The following UNC45B variants were observed in gnomAD, a reference collection of about 807,000 sequenced individuals.
UNC45B encodes the protein protein unc-45 homolog B.
UNC45B carries 78 observed loss-of-function variants against 98.7 expected under a neutral mutation model. The ratio of observed to expected loss-of-function variants is 0.79; its 90% confidence interval spans 0.66 to 0.95. UNC45B has a LOEUF of 0.95. UNC45B is among the 40% of genes least tolerant of loss of function. The pLI, the probability that UNC45B is intolerant of heterozygous loss-of-function variation, is 0.00. For synonymous variants in UNC45B, 462 were observed against 480.4 expected, an observed-to-expected ratio of 0.96 and a Z score of 0.50; for missense variants, 1,225 against 1,184.9, an observed-to-expected ratio of 1.03 and a Z score of -0.50.
intron 9 of UNC45B, 141 bp downstream of exon 9, chr17:35,164,307 C>A: frequency 2.1e-6 from 2 of 970,704 alleles, no homozygotes; most frequent in Non-Finnish European, 2.9e-6. Flanking sequence ...AGTGGTTTGG[C>A]TGGGTGGCTC....
chr17:35,173,298 G>A (rs1010188442), intron 13 of UNC45B, among the ~76,000 whole-genome samples: 6 of 151,910 alleles, frequency 3.9e-5, no homozygotes, highest in Non-Finnish European at 5.9e-5. Context: ...GCTAATTTTT[G>A]TATTTTTAGT....
chr17:35,177,862 CTCTTTTCTTTCTTT>C (rs2092246963), intron 17 of UNC45B, among the ~76,000 whole-genome samples: 2 of 148,044 alleles, frequency 1.4e-5, no homozygotes, highest in Admixed American at 6.8e-5. Context: ...CTCTTCTCTT[CTCTTTTCTTTCTTT>C]TCTTTTCTTT....
intron 13 of UNC45B, among the ~76,000 whole-genome samples, chr17:35,173,125 C>T (rs1386903139): frequency 7.9e-6 from 1 of 126,158 alleles, no homozygotes; most frequent in Non-Finnish European, 1.6e-5. Context: ...AATTTTTATA[C>T]TTTTTTTTTT....
At chr17:35,166,985 A>C (rs2092145624) in intron 9 of UNC45B, 1 of 152,286 alleles carries the variant, frequency 6.6e-6, no homozygotes, top group African/African-American at 2.4e-5. Flanking sequence ...GTCACCTCTG[A>C]CATTCCCACG....
chr17:35,148,877 C>G (rs537579964), intron 2 of UNC45B, 96 bp from the exon 3 acceptor site: 1 of 1,491,420 alleles, frequency 6.7e-7, no homozygotes, highest in East Asian at 2.3e-5. Context: ...GCAGCTCCCC[C>G]AGGAAACCCT....
intron 5 of UNC45B, 126 bp from the exon 6 acceptor site, chr17:35,154,448 G>T: frequency 1.2e-6 from 1 of 868,828 alleles, no homozygotes; most frequent in South Asian, 1.9e-5. Context: ...GGATTACCAA[G>T]GTGAGATAAT....
chr17:35,176,176 C>T (rs1206598447), intron 15 of UNC45B, 142 bp downstream of exon 15: 2 of 749,416 alleles, frequency 2.7e-6, no homozygotes, highest in African/African-American at 1.7e-5. Context: ...TAGCCCCAAG[C>T]CAATTTCTGC....
chr17:35,154,491 T>C, intron 5 of UNC45B, 83 bp from the exon 6 acceptor site: 1 of 1,316,080 alleles, frequency 7.6e-7, no homozygotes, highest in Middle Eastern at 2.2e-4. Flanking sequence ...GTCTTTGCAC[T>C]GGCTCTTCTT....
rs920347881 is a variant in UNC45B, at chr17:35,183,571, A to G, written c.2518A>G (p.Met840Val). Residue 840 changes from methionine to valine, a missense_variant, in exon 19 of 20, where the codon ATG becomes GTG. Physicochemically the swap from Met to Val is conservative, Grantham distance 21. Transcript: ENST00000394570. ...TAAHKKLCLK[M>V]TQVTTQWLEI... The stretch of plus-strand genomic sequence containing the variant: ...AGCACACAAGAAACTGTGCCTCAAG[A>G]TGACTCAAGTGGTAAGAGCTGGCCC... 1.4e-5 allele frequency: 22 copies of G among 1,567,392 alleles called. No individual in the cohort carries two copies. Among genetic ancestry groups the G allele is most frequent in the Non-Finnish European group, 1.8e-5 (21 of 1,156,508 alleles).
intron 14 of UNC45B, among the ~76,000 whole-genome samples, chr17:35,174,672 T>C (rs538828441): frequency 4.6e-5 from 7 of 151,936 alleles, no homozygotes; most frequent in African/African-American, 1.7e-4. Flanking sequence ...AATTTTAAAT[T>C]AGCCTGGCAC....
chr17:35,178,917 T>C (rs1462438572), intron 17 of UNC45B, among the ~76,000 whole-genome samples: 2 of 152,226 alleles, frequency 1.3e-5, no homozygotes, highest in Non-Finnish European at 2.9e-5. Context: ...TTGGTACCAG[T>C]ACCATGCTGT....
intron 3 of UNC45B, 141 bp downstream of exon 3, chr17:35,149,150 T>C (rs2091998324): frequency 2.9e-6 from 3 of 1,026,650 alleles, no homozygotes; most frequent in East Asian, 2.5e-5. Flanking sequence ...GAGAAGGGAC[T>C]GGAAACATAT....
intron 14 of UNC45B, among the ~76,000 whole-genome samples, chr17:35,175,013 G>A (rs12940517): frequency 0.013 from 1,643 of 126,294 alleles, 34 homozygotes; most frequent in African/African-American, 0.05. Context: ...AAGAAAGAAA[G>A]GAGGGAAGGA....
At chr17:35,150,276 C>T (rs2092008107) in intron 4 of UNC45B, 53 bp downstream of exon 4, 1 of 1,560,900 alleles carries the variant, frequency 6.4e-7, no homozygotes, top group Non-Finnish European at 8.7e-7. Context: ...TCTCTTCATT[C>T]CTAGTAGGAA....
At chr17:35,158,511 C>G (rs1458662786) in intron 7 of UNC45B, among the ~76,000 whole-genome samples, 2 of 152,202 alleles carry the variant, frequency 1.3e-5, no homozygotes, top group Non-Finnish European at 2.9e-5. Context: ...TAATGAGTGT[C>G]GTGTTTCCCA....
chr17:35,164,936 A>C (rs1474629100), intron 9 of UNC45B, among the ~76,000 whole-genome samples: 1 of 151,188 alleles, frequency 6.6e-6, no homozygotes, highest in Non-Finnish European at 1.5e-5. Context: ...TGGCATGATC[A>C]TGACTCACTG....
intron 8 of UNC45B, among the ~76,000 whole-genome samples, chr17:35,163,743 C>T (rs561768252): frequency 5.9e-5 from 9 of 152,256 alleles, no homozygotes; most frequent in African/African-American, 1.9e-4. Context: ...CCTCTGAGAT[C>T]GACTAGTCCT....
rs372784651 is a variant in UNC45B at position 35,152,873 on chromosome 17, A to T, written c.382-20A>T. ...GTGGACCCCACCTGCCTCCTTCCCC[A>T]CTCCCTCCTCTCTCCTCAGCTCCGA... On this transcript the variant is annotated intron_variant, in intron 4 of 19. Coordinates refer to ENST00000394570, the MANE Select transcript of UNC45B (RefSeq NM_001267052.2). 3.1e-6 allele frequency: 5 copies of T among 1,607,914 alleles called. No homozygotes were observed. The African/African-American group carries it at 5.4e-5, about 17-fold the overall frequency.
intron 9 of UNC45B, 41 bp downstream of exon 9, chr17:35,164,207 G>T: frequency 6.4e-7 from 1 of 1,565,672 alleles, no homozygotes; most frequent in Non-Finnish European, 8.7e-7. Context: ...GCTCTGTCTT[G>T]GTTATCTATG....
Sources: allele counts gnomAD v4.1 joint callset (sites outside exome capture counted in the v4.1 genomes callset), GRCh38; gene constraint gnomAD v4.1.1; transcripts MANE v1.5; gene names NCBI Gene and HGNC (gene_info 2026-07-23, HGNC 2026-07-21).